SH3BGRL2: variants seen among roughly 807,000 people sequenced by gnomAD.
The protein encoded by SH3BGRL2 is SH3 domain-binding glutamic acid-rich-like protein 2.
Under a neutral mutation model 14.8 loss-of-function variants are expected in SH3BGRL2, and 21 were observed. That is an observed-to-expected ratio of 1.42 (90% CI 1.01 to 2.05). SH3BGRL2 has a LOEUF of 2.05. Among genes scored for constraint, SH3BGRL2 ranks in the 30% most tolerant of loss-of-function variants. The probability of loss-of-function intolerance (pLI) is 0.00; values close to 1 mark genes in which losing one functional copy is unlikely to be tolerated. For missense variants in SH3BGRL2, 147 were observed against 130.8 expected (o/e 1.12, Z -0.61); for synonymous variants, 50 against 47.8 (o/e 1.05, Z -0.19).
At chr6:79,582,091 C>A in the SH3BGRL2 span, among the ~76,000 whole-genome samples, 1 of 152,046 alleles carries the variant, frequency 6.6e-6, no homozygotes, top group Non-Finnish European at 1.5e-5. Flanking sequence ...ATGTGAAGGA[C>A]CTCTTCAAGG....
intron 1 of SH3BGRL2, among the ~76,000 whole-genome samples, chr6:79,669,676 C>T (rs1769733187): frequency 6.6e-6 from 1 of 152,046 alleles, no homozygotes; most frequent in Non-Finnish European, 1.5e-5. Context: ...AACTCCTGAC[C>T]TCAGGTGATC....
the SH3BGRL2 span, among the ~76,000 whole-genome samples, chr6:79,590,628 G>A: frequency 0.61 from 92,369 of 150,762 alleles, 29,123 homozygotes; most frequent in East Asian, 0.93. Context: ...GAGTATATAC[G>A]GATATAAAGA....
the SH3BGRL2 span, among the ~76,000 whole-genome samples, chr6:79,587,915 C>G: frequency 6.6e-6 from 1 of 152,142 alleles, no homozygotes; most frequent in Non-Finnish European, 1.5e-5. Flanking sequence ...GTGGCTCATG[C>G]CTGTAATCCC....
At chr6:79,618,914 C>CAAAAGAAAAAAAAAAAAA in the SH3BGRL2 span, among the ~76,000 whole-genome samples, 1 of 76,276 alleles carries the variant, frequency 1.3e-5, no homozygotes, top group African/African-American at 5.1e-5. Flanking sequence ...GAGACTCTGT[C>CAAAAGAAAAAAAAAAAAA]AAAAAAAAAA....
At chr6:79,691,442 T>A (rs1055997839) in intron 2 of SH3BGRL2, among the ~76,000 whole-genome samples, 2 of 151,042 alleles carry the variant, frequency 1.3e-5, no homozygotes, top group African/African-American at 4.9e-5. Context: ...GCCATGTTGG[T>A]GTGCTGCACC....
At chr6:79,561,335 T>C in the SH3BGRL2 span, 2 of 152,238 alleles carry the variant, frequency 1.3e-5, no homozygotes, top group South Asian at 4.1e-4. Flanking sequence ...TAGCATTTGG[T>C]GGGAGAAGGT....
At chr6:79,627,150 T>C (rs1389833254), upstream of SH3BGRL2, among the ~76,000 whole-genome samples, 1 of 152,176 alleles carries the variant, frequency 6.6e-6, no homozygotes, top group Non-Finnish European at 1.5e-5. Flanking sequence ...TGCTCAAAGC[T>C]TCTCATCCCA....
chr6:79,564,629 TTAAG>T, the SH3BGRL2 span, among the ~76,000 whole-genome samples: 52 of 152,152 alleles, frequency 3.4e-4, no homozygotes, highest in African/African-American at 1.1e-3. Context: ...CTTCCAATTT[TTAAG>T]TTATTTAACT....
chr6:79,589,659 G>T, the SH3BGRL2 span, among the ~76,000 whole-genome samples: 3 of 152,088 alleles, frequency 2.0e-5, no homozygotes, highest in South Asian at 6.2e-4. Flanking sequence ...AAATGGCCAC[G>T]CTAGGTTCAA....
the SH3BGRL2 span, among the ~76,000 whole-genome samples, chr6:79,560,761 C>T: frequency 1.3e-5 from 2 of 151,316 alleles, no homozygotes; most frequent in Admixed American, 6.6e-5. Context: ...TAAACTAGCA[C>T]TGTCCAATAG....
chr6:79,624,812 G>T, the SH3BGRL2 span, among the ~76,000 whole-genome samples: 337 of 148,798 alleles, frequency 2.3e-3, 2 homozygotes, highest in African/African-American at 7.4e-3. Context: ...TGTTTTTTGG[G>T]TTTTTTTTTT....
At chr6:79,686,700 G>A (rs1229841305) in intron 2 of SH3BGRL2, among the ~76,000 whole-genome samples, 2 of 152,078 alleles carry the variant, frequency 1.3e-5, no homozygotes, top group African/African-American at 2.4e-5. Flanking sequence ...TGTATATTCT[G>A]TAAGTTATCT....
intron 1 of SH3BGRL2, among the ~76,000 whole-genome samples, chr6:79,648,667 C>G (rs1769218054): frequency 6.6e-6 from 1 of 151,892 alleles, no homozygotes; most frequent in South Asian, 2.1e-4. Flanking sequence ...TCTTTTAATT[C>G]CCCCACGTTT....
At chr6:79,556,894 T>C in the SH3BGRL2 span, among the ~76,000 whole-genome samples, 2 of 151,086 alleles carry the variant, frequency 1.3e-5, no homozygotes, top group Admixed American at 6.6e-5. Flanking sequence ...AAACATTAAC[T>C]GTCTTTGGAT....
At chr6:79,583,561 C>T in the SH3BGRL2 span, among the ~76,000 whole-genome samples, 6 of 152,150 alleles carry the variant, frequency 3.9e-5, no homozygotes, top group Non-Finnish European at 7.3e-5. Flanking sequence ...TGTTCTCACT[C>T]ATAGGTGGGA....
At chr6:79,624,525 A>T in the SH3BGRL2 span, among the ~76,000 whole-genome samples, 1 of 152,040 alleles carries the variant, frequency 6.6e-6, no homozygotes, top group South Asian at 2.1e-4. Context: ...ATTAGGCCAT[A>T]ATTTCCATGA....
chr6:79,694,032 G>A (rs1770281987), intron 2 of SH3BGRL2, among the ~76,000 whole-genome samples: 2 of 152,188 alleles, frequency 1.3e-5, no homozygotes, highest in Admixed American at 1.3e-4. Flanking sequence ...AGTTTGTGGA[G>A]TGGAAGATCA....
In SH3BGRL2 at chr6:79,676,605, A is replaced by G. The variant is rs182549168; in HGVS notation, c.231+2806A>G. 6.4e-3 allele frequency among the ~76,000 whole-genome samples: 898 copies of G among 139,762 alleles called. 1 individual carries two copies. The highest frequency in any genetic ancestry group is 9.4e-3 in the Non-Finnish European group (609 of 65,026). The allele number at this position is 139,762 out of a possible 152,430, so 91.7% of individuals were successfully genotyped here. On this transcript the variant is annotated intron_variant, in intron 2 of 3. Transcript: ENST00000369838. ...ATCTCCTAGCTTTATGTCTTTATGTATGTGTGTGTGTGTGTGTGTGTGTGT... is the reference window on the plus strand; with the variant it reads ...ATCTCCTAGCTTTATGTCTTTATGTGTGTGTGTGTGTGTGTGTGTGTGTGT...
chr6:79,584,347 A>T, the SH3BGRL2 span, among the ~76,000 whole-genome samples: 10 of 152,138 alleles, frequency 6.6e-5, no homozygotes, highest in African/African-American at 1.9e-4. Flanking sequence ...GAGGCTTCCA[A>T]AGTGTTTCCA....
Sources: gnomAD v4.1 joint callset for allele counts (sites outside exome capture counted in the v4.1 genomes callset) on GRCh38, gnomAD v4.1.1 for gene constraint, MANE v1.5 for transcripts, NCBI Gene and HGNC (gene_info 2026-07-23, HGNC 2026-07-21) for gene names.